CYLD: variants seen among roughly 807,000 people sequenced by gnomAD.
CYLD encodes the protein CYLD lysine 63 deubiquitinase, also known as ubiquitin carboxyl-terminal hydrolase CYLD.
CYLD carries 26 observed loss-of-function variants against 104.5 expected under a neutral mutation model. The observed-to-expected ratio is 0.25, with a 90% confidence interval of 0.18 to 0.35. The LOEUF (loss-of-function observed/expected upper bound fraction) is 0.35. CYLD is among the 10% of genes least tolerant of loss of function. The pLI is 1.00. For missense variants in CYLD, 703 were observed against 1,136.1 expected (o/e 0.62, Z 5.48); for synonymous variants, 385 against 399.9 (o/e 0.96, Z 0.45).
At chr16:50,782,515 G>A in intron 11 of CYLD, 49 bp downstream of exon 11, 1 of 1,592,864 alleles carries the variant, frequency 6.3e-7, no homozygotes, top group South Asian at 1.1e-5. Context: ...ATGAGGCAGG[G>A]ACACATACCG....
chr16:50,799,203 A>G lies in CYLD; in HGVS notation c.*2695A>G, dbSNP rs1393704480. On this transcript the variant is annotated 3_prime_UTR_variant, in exon 19 of 19. Transcript: ENST00000427738. ...ATCAAGATGACAATGTAATTGAATT[A>G]TCTTATTTATAACACGGTTCGTGAT... 1.3e-5 allele frequency: 3 copies of G among 233,324 alleles called. No individual in the cohort carries two copies. The highest frequency in any genetic ancestry group is 2.5e-5 in the Non-Finnish European group (3 of 118,050). The allele number at this position is 233,324 out of a possible 1,614,324, so 14.5% of individuals were successfully genotyped here.
chr16:50,750,296 G>A (rs371381653), intron 3 of CYLD, 94 bp downstream of exon 3: 45 of 1,415,690 alleles, frequency 3.2e-5, no homozygotes, highest in South Asian at 3.0e-4. Context: ...CCTTAAATAC[G>A]AAATAAATTT....
rs916630278 is a variant in CYLD, at chr16:50,798,255, G to A, written c.*1747G>A. ...AGGAATCTAAATGAAGCCAGCCCTC[G>A]GTATCTGCAGGTTTCTCATCCATGG... On this transcript the variant is annotated 3_prime_UTR_variant, in exon 19 of 19. Coordinates refer to ENST00000427738, the MANE Select transcript of CYLD (RefSeq NM_001378743.1). 2.6e-5 allele frequency: 6 copies of A among 231,826 alleles called. No homozygotes were observed. Among genetic ancestry groups the A allele is most frequent in the Non-Finnish European group, 3.4e-5 (4 of 117,270 alleles). 14.4% of individuals were successfully genotyped at this position (231,826 alleles called of 1,614,324 possible). A position where few individuals can be genotyped will look rare whatever the true frequency, so the allele number is the denominator to read the frequency against.
chr16:50,778,091 G>A, intron 8 of CYLD, 150 bp downstream of exon 8: 1 of 617,746 alleles, frequency 1.6e-6, no homozygotes, highest in South Asian at 1.9e-5. Context: ...ATTGTACACA[G>A]TTTGAACCGT....
intron 14 of CYLD, among the ~76,000 whole-genome samples, chr16:50,790,263 G>A (rs1456284680): frequency 6.6e-6 from 1 of 152,108 alleles, no homozygotes; most frequent in East Asian, 1.9e-4. Context: ...TAAAGGAGTG[G>A]GATGCAAGAA....
chr16:50,768,358 A>G (rs772964007), intron 5 of CYLD, among the ~76,000 whole-genome samples: 12 of 152,176 alleles, frequency 7.9e-5, no homozygotes, highest in Non-Finnish European at 1.8e-4. Flanking sequence ...GGGGAAAAAA[A>G]AGTCAAAGTG....
chr16:50,778,804 T>C (rs1198105838), intron 8 of CYLD, among the ~76,000 whole-genome samples: 3 of 152,220 alleles, frequency 2.0e-5, no homozygotes, highest in African/African-American at 7.2e-5. Context: ...TTAAGGCACC[T>C]GGAGCTGATT....
intron 9 of CYLD, among the ~76,000 whole-genome samples, chr16:50,780,594 C>G (rs193241240): frequency 8.5e-5 from 13 of 152,334 alleles, no homozygotes; most frequent in Admixed American, 8.5e-4. Flanking sequence ...TCAGGGCTCA[C>G]TGCAGCCTCG....
At chr16:50,750,283 T>C in intron 3 of CYLD, 81 bp downstream of exon 3, 1 of 1,481,484 alleles carries the variant, frequency 6.7e-7, no homozygotes, top group Non-Finnish European at 9.4e-7. Context: ...TACATATTTT[T>C]CTCCTTAAAT....
rs199632232 is a variant in CYLD at position 50,796,451 on chromosome 16, G to A, written c.2814G>A (p.Leu938=). The change falls in exon 19 of 19, where the codon CTG becomes CTA. Residue 938 remains leucine, a synonymous_variant. Transcript: ENST00000427738. ...GAATCCAAGGCTGTGCACGAAGACTGCTTTGTGATGCATATATGTGCATGT... is the reference window on the plus strand; with the variant it reads ...GAATCCAAGGCTGTGCACGAAGACTACTTTGTGATGCATATATGTGCATGT... ...SRRIQGCARR[L]LCDAYMCMYQ... The A allele has an allele frequency of 1.3e-4, 214 of 1,614,034 alleles. 2 individuals carry two copies. The East Asian group carries it at 1.9e-3, about 14-fold the overall frequency.
chr16:50,765,588 TTA>T (rs1968413252), intron 5 of CYLD, among the ~76,000 whole-genome samples: 1 of 152,120 alleles, frequency 6.6e-6, no homozygotes, highest in African/African-American at 2.4e-5. Context: ...ATGATTAAGC[TTA>T]GTGAGGAAGG....
rs1420871 is a variant in CYLD at position 50,781,521 on chromosome 16, C to T, written c.1684+110C>T. ...AGTGTTTTAATATATTTCTTGCCAA[C>T]GCTCATTAAGCTTTAAATCAGTAAA... On this transcript the variant is annotated intron_variant, in intron 10 of 18. Coordinates refer to ENST00000427738, the MANE Select transcript of CYLD (RefSeq NM_001378743.1). The T allele has an allele frequency of 0.086, 115,752 of 1,343,566 alleles. 6,539 individuals carry two copies. The highest frequency in any genetic ancestry group is 0.23 in the South Asian group (18,945 of 81,228). 83.2% of individuals were successfully genotyped at this position (1,343,566 alleles called of 1,614,324 possible). A position where few individuals can be genotyped will look rare whatever the true frequency, so the allele number is the denominator to read the frequency against.
intron 2 of CYLD, among the ~76,000 whole-genome samples, chr16:50,747,997 A>G (rs1160742988): frequency 1.3e-5 from 2 of 152,244 alleles, no homozygotes; most frequent in Non-Finnish European, 1.5e-5. Context: ...AGTGCTTTCT[A>G]AAAGAAGTGT....
chr16:50,748,151 G>A (rs1198377453), intron 2 of CYLD, among the ~76,000 whole-genome samples: 1 of 152,066 alleles, frequency 6.6e-6, no homozygotes, highest in African/African-American at 2.4e-5. Context: ...CCAGAATAAT[G>A]GAAATGGATA....
rs756119430 is a variant in CYLD, at chr16:50,743,104, TCTC to T, written c.-124+267_-124+269del. ...GCCCCCATCATCCCTGCCACCTTCT[TCTC>T]CTCAATTTTTCCTGGAAAGTTTTAT... On this transcript the variant is annotated intron_variant, in intron 2 of 18. Transcript: ENST00000427738. 5.3e-4 allele frequency among the ~76,000 whole-genome samples: 80 copies of T among 152,218 alleles called. 1 individual carries two copies. The highest frequency in any genetic ancestry group is 8.8e-4 in the Non-Finnish European group (60 of 68,010).
intron 12 of CYLD, 36 bp from the exon 13 acceptor site, chr16:50,786,819 A>C: frequency 7.3e-7 from 1 of 1,377,652 alleles, no homozygotes; most frequent in Non-Finnish European, 1.0e-6. Flanking sequence ...AATTTAATAC[A>C]TGCCAATATC....
Position 50,745,529 on chromosome 16 carries a change from C to T in CYLD, c.-124+2688C>T, listed in dbSNP as rs866173898. 7.2e-5 allele frequency among the ~76,000 whole-genome samples: 11 copies of T among 151,888 alleles called. 1 individual carries two copies. The highest frequency in any genetic ancestry group is 4.2e-4 in the South Asian group (2 of 4,792). Reference sequence around the variant, plus strand: ...GAGTAGCTGGGCCCACAGGCAGACACCACCACACCCGGCTAATTTTCTTTT... The same window carrying T: ...GAGTAGCTGGGCCCACAGGCAGACATCACCACACCCGGCTAATTTTCTTTT... On this transcript the variant is annotated intron_variant, in intron 2 of 18. Transcript: ENST00000427738.
At chr16:50,760,797 A>C (rs1597003479) in intron 5 of CYLD, among the ~76,000 whole-genome samples, 1 of 95,440 alleles carries the variant, frequency 1.0e-5, no homozygotes, top group East Asian at 2.3e-4. Flanking sequence ...TATCTGGAGG[A>C]TATATATATT....
At chr16:50,775,764 A>T (rs1969611197) in intron 6 of CYLD, among the ~76,000 whole-genome samples, 1 of 152,196 alleles carries the variant, frequency 6.6e-6, no homozygotes, top group Non-Finnish European at 1.5e-5. Context: ...TGTTTATCTC[A>T]GCATCTTCAA....
Sources: allele counts gnomAD v4.1 joint callset (sites outside exome capture counted in the v4.1 genomes callset), GRCh38; gene constraint gnomAD v4.1.1; transcripts MANE v1.5; gene names NCBI Gene and HGNC (gene_info 2026-07-23, HGNC 2026-07-21).